Variants in CADM2 observed in about 807,000 individuals in gnomAD.
CADM2 encodes the protein cell adhesion molecule 2, also known as immunoglobulin superfamily member 4D.
CADM2 carries 12 observed loss-of-function variants against 49.8 expected under a neutral mutation model. That is an observed-to-expected ratio of 0.24 (90% CI 0.15 to 0.39). The LOEUF (loss-of-function observed/expected upper bound fraction) is 0.39. CADM2 is among the 10% of genes least tolerant of loss of function. The pLI, the probability that CADM2 is intolerant of heterozygous loss-of-function variation, is 1.00. For missense variants in CADM2, 378 were observed against 492.3 expected, an observed-to-expected ratio of 0.77 and a Z score of 2.20; for synonymous variants, 214 against 175.4, an observed-to-expected ratio of 1.22 and a Z score of -1.74.
intron 1 of CADM2, among the ~76,000 whole-genome samples, chr3:85,584,505 C>T (rs1400084169): frequency 6.6e-6 from 1 of 151,950 alleles, no homozygotes; most frequent in Non-Finnish European, 1.5e-5. Context: ...TGGTGCTTGC[C>T]GTCAAAAGGG....
intron 1 of CADM2, among the ~76,000 whole-genome samples, chr3:85,308,921 A>T (rs1196135561): frequency 6.6e-6 from 1 of 152,030 alleles, no homozygotes; most frequent in Non-Finnish European, 1.5e-5. Context: ...GGTAGGAAAA[A>T]ATTATTTTTA....
At chr3:85,034,706 C>T (rs957591471) in intron 1 of CADM2, among the ~76,000 whole-genome samples, 3 of 151,610 alleles carry the variant, frequency 2.0e-5, no homozygotes, top group African/African-American at 7.3e-5. Flanking sequence ...TTTACATTCC[C>T]ACCAACAGTA....
chr3:85,359,979 A>T (rs895509530), intron 1 of CADM2, among the ~76,000 whole-genome samples: 10 of 151,718 alleles, frequency 6.6e-5, no homozygotes, highest in African/African-American at 2.4e-4. Context: ...TTTTTCCACA[A>T]TGCCATTGTA....
At chr3:85,660,605 A>G (rs540091256) in intron 1 of CADM2, among the ~76,000 whole-genome samples, 4 of 152,136 alleles carry the variant, frequency 2.6e-5, no homozygotes, top group Admixed American at 2.6e-4. Flanking sequence ...TCATTTCACT[A>G]TCTTGTTTGA....
rs2030205600 is a variant in CADM2 at position 84,959,281 on chromosome 3, C to G, written c.-327C>G. On this transcript the variant is annotated 5_prime_UTR_variant, in exon 1 of 10. Coordinates refer to ENST00000383699, the MANE Select transcript of CADM2 (RefSeq NM_001167675.2). ...TCCCTGCACCACCTGCTCGGGCAGCCCCGGCGGGCTCTGGGACTTGCTGTG... is the reference window on the plus strand; with the variant it reads ...TCCCTGCACCACCTGCTCGGGCAGCGCCGGCGGGCTCTGGGACTTGCTGTG... The G allele has an allele frequency of 2.1e-6, 1 of 486,508 alleles. No individual in the cohort carries two copies. The highest frequency in any genetic ancestry group is 3.7e-5 in the Admixed American group (1 of 27,230). The allele number at this position is 486,508 out of a possible 1,614,324, so 30.1% of individuals were successfully genotyped here. A position where few individuals can be genotyped will look rare whatever the true frequency, so the allele number is the denominator to read the frequency against.
intron 1 of CADM2, among the ~76,000 whole-genome samples, chr3:85,609,113 C>T (rs1012335203): frequency 9.9e-5 from 15 of 151,990 alleles, no homozygotes; most frequent in Admixed American, 7.9e-4. Flanking sequence ...TCCACACTAG[C>T]AGATCTCCCA....
intron 8 of CADM2, among the ~76,000 whole-genome samples, chr3:86,020,723 C>T (rs13064757): frequency 0.09 from 13,750 of 152,008 alleles, 726 homozygotes; most frequent in Non-Finnish European, 0.12. Context: ...ATAAACAGAG[C>T]CAAAGACAAA....
At chr3:85,634,130 A>G (rs2064390349) in intron 1 of CADM2, among the ~76,000 whole-genome samples, 1 of 152,032 alleles carries the variant, frequency 6.6e-6, no homozygotes, top group African/African-American at 2.4e-5. Flanking sequence ...TGTAGATGAG[A>G]TGTCAGAAAG....
intron 3 of CADM2, among the ~76,000 whole-genome samples, chr3:85,865,685 T>G (rs2075696797): frequency 6.6e-6 from 1 of 152,206 alleles, no homozygotes; most frequent in African/African-American, 2.4e-5. Context: ...CTCTGTATTT[T>G]TATGAGCCTA....
chr3:85,592,596 A>G (rs1290959417), intron 1 of CADM2, among the ~76,000 whole-genome samples: 1 of 151,986 alleles, frequency 6.6e-6, no homozygotes, highest in African/African-American at 2.4e-5. Flanking sequence ...CTTCATGGAA[A>G]CAAGAAAAAG....
At chr3:84,965,443 A>T (rs914668762) in intron 1 of CADM2, among the ~76,000 whole-genome samples, 7 of 152,228 alleles carry the variant, frequency 4.6e-5, no homozygotes, top group Admixed American at 4.6e-4. Flanking sequence ...AGCTTTTTAT[A>T]ACCAGAAATG....
intron 2 of CADM2, among the ~76,000 whole-genome samples, chr3:85,792,352 A>C (rs541821378): frequency 6.6e-6 from 1 of 152,196 alleles, no homozygotes; most frequent in Non-Finnish European, 1.5e-5. Flanking sequence ...TTATTGAAAA[A>C]TTGTGTCTTA....
chr3:85,722,255 C>A (rs2067529797), intron 1 of CADM2, among the ~76,000 whole-genome samples: 1 of 152,014 alleles, frequency 6.6e-6, no homozygotes, highest in Admixed American at 6.5e-5. Context: ...AGAGAGGAGA[C>A]CCTGGAGTGG....
chr3:85,499,959 G>A (rs1006341474), intron 1 of CADM2, among the ~76,000 whole-genome samples: 7 of 152,272 alleles, frequency 4.6e-5, no homozygotes, highest in Non-Finnish European at 1.0e-4. Context: ...GAAAGAATGA[G>A]TAGAGTGCTG....
chr3:85,061,351 T>G (rs2036308563), intron 1 of CADM2, among the ~76,000 whole-genome samples: 1 of 152,094 alleles, frequency 6.6e-6, no homozygotes, highest in Admixed American at 6.6e-5. Flanking sequence ...TGGTGTGAAT[T>G]ATATATAAAT....
At chr3:85,700,133 C>A (rs2066706634) in intron 1 of CADM2, among the ~76,000 whole-genome samples, 1 of 152,142 alleles carries the variant, frequency 6.6e-6, no homozygotes, top group Non-Finnish European at 1.5e-5. Flanking sequence ...GGCACACAGA[C>A]ACTATGGAAT....
chr3:85,581,023 T>G (rs2107294585), intron 1 of CADM2, among the ~76,000 whole-genome samples: 1 of 152,236 alleles, frequency 6.6e-6, no homozygotes, highest in African/African-American at 2.4e-5. Flanking sequence ...TTTGGTTTTT[T>G]GTTTTTACTT....
At chr3:86,014,114 G>T in intron 8 of CADM2, 1 of 1,290,698 alleles carries the variant, frequency 7.7e-7, no homozygotes, top group Non-Finnish European at 1.1e-6. Flanking sequence ...GCCATTTTCA[G>T]TGGACACGCA....
intron 1 of CADM2, among the ~76,000 whole-genome samples, chr3:85,245,655 G>A (rs2042630932): frequency 6.6e-6 from 1 of 152,036 alleles, no homozygotes; most frequent in Non-Finnish European, 1.5e-5. Context: ...AACACTTAAG[G>A]AAATGACTCC....
Sources: gnomAD v4.1 joint callset for allele counts (sites outside exome capture counted in the v4.1 genomes callset) on GRCh38, gnomAD v4.1.1 for gene constraint, MANE v1.5 for transcripts, NCBI Gene and HGNC (gene_info 2026-07-23, HGNC 2026-07-21) for gene names.